Variants in SLC47A1 observed in about 807,000 individuals in gnomAD.
SLC47A1 encodes the protein solute carrier family 47 member 1, also known as multidrug and toxin extrusion protein 1.
In SLC47A1, 58 loss-of-function variants were observed where a neutral mutation model predicts 65.8. The observed-to-expected ratio is 0.88, with a 90% confidence interval of 0.71 to 1.10. SLC47A1 has a LOEUF of 1.10. SLC47A1 is among the 50% of genes least tolerant of loss of function. The pLI, the probability that SLC47A1 is intolerant of heterozygous loss-of-function variation, is 0.00. For synonymous variants in SLC47A1, 285 were observed against 295.0 expected, an observed-to-expected ratio of 0.97 and a Z score of 0.35; for missense variants, 706 against 719.2, an observed-to-expected ratio of 0.98 and a Z score of 0.21.
Position 19,575,373 on chromosome 17 carries a change from CT to C in SLC47A1, c.1487-1950del, listed in dbSNP as rs541905023. Among the ~76,000 whole-genome samples the C allele has an allele frequency of 2.2e-4, 32 of 148,428 alleles. No individual in the cohort carries two copies. The East Asian group carries it at 5.4e-3, about 25-fold the overall frequency. On this transcript the variant is annotated intron_variant, in intron 16 of 16. Transcript: ENST00000270570. The stretch of plus-strand genomic sequence containing the variant: ...ATGCCTTCATTTTTCTCTTCGGAAG[CT>C]TTTAGGACATTTTCTTATTATTATT...
chr17:19,557,896 CCAA>C, intron 10 of SLC47A1: 6 of 74,998 alleles, frequency 8.0e-5, no homozygotes, highest in East Asian at 7.6e-4. Flanking sequence ...TACTTTCCCT[CCAA>C]AAAAAAAAAA....
intron 5 of SLC47A1, among the ~76,000 whole-genome samples, chr17:19,550,127 G>A (rs892812972): frequency 6.6e-6 from 1 of 152,100 alleles, no homozygotes; most frequent in African/African-American, 2.4e-5. Context: ...TTGTTTGTTT[G>A]TTTGGTGTTT....
chr17:19,578,771 G>A lies in SLC47A1; in HGVS notation c.*1218G>A, dbSNP rs906473100. 2.0e-5 allele frequency: 3 copies of A among 152,168 alleles called. No homozygotes were observed. The highest frequency in any genetic ancestry group is 4.4e-5 in the Non-Finnish European group (3 of 68,038). 9.4% of individuals were successfully genotyped at this position (152,168 alleles called of 1,614,324 possible). On this transcript the variant is annotated 3_prime_UTR_variant, in exon 17 of 17. Coordinates refer to ENST00000270570, the MANE Select transcript of SLC47A1 (RefSeq NM_018242.3). ...GGTGAAACTGCGTGCTGTAAGCTGGGACCAGCTTTGTCCATAACTGCTGAG... is the reference window on the plus strand; with the variant it reads ...GGTGAAACTGCGTGCTGTAAGCTGGAACCAGCTTTGTCCATAACTGCTGAG...
intron 1 of SLC47A1, among the ~76,000 whole-genome samples, chr17:19,537,216 G>A (rs1053536425): frequency 6.6e-6 from 1 of 152,272 alleles, no homozygotes; most frequent in Non-Finnish European, 1.5e-5. Flanking sequence ...TGTGTGGGAA[G>A]GAGCTGGCGG....
intron 1 of SLC47A1, among the ~76,000 whole-genome samples, chr17:19,542,033 G>C (rs1340613484): frequency 6.6e-6 from 1 of 152,172 alleles, no homozygotes; most frequent in Non-Finnish European, 1.5e-5. Flanking sequence ...GCTGAGGCAG[G>C]AGAATTGCTT....
chr17:19,572,982 C>T, intron 16 of SLC47A1, 121 bp downstream of exon 16: 2 of 797,284 alleles, frequency 2.5e-6, no homozygotes, highest in South Asian at 1.6e-5. Flanking sequence ...AATAATGTTT[C>T]AGAAACACAT....
chr17:19,577,358 G>A lies in SLC47A1; in HGVS notation c.1518G>A (p.Thr506=), dbSNP rs758043603. Residue 506 remains threonine (T), a synonymous_variant, in exon 17 of 17, where the codon ACG becomes ACA. Coordinates refer to ENST00000270570, the MANE Select transcript of SLC47A1 (RefSeq NM_018242.3). ...CTGAAAACCTTGAAGGAATTTTAAC[G>A]AACGATGTTGGAAAGACAGGCGAGC... The part of the protein sequence containing the change: ...GCPENLEGIL[T]NDVGKTGEPQ... 5.0e-6 allele frequency: 8 copies of A among 1,613,980 alleles called. No homozygotes were observed. The highest frequency in any genetic ancestry group is 3.3e-5 in the Admixed American group (2 of 60,006).
At chr17:19,565,644 G>A (rs1258102098) in intron 12 of SLC47A1, among the ~76,000 whole-genome samples, 2 of 136,690 alleles carry the variant, frequency 1.5e-5, no homozygotes, top group Non-Finnish European at 3.0e-5. Context: ...GCAGTGGCAT[G>A]ATCTCAGCTC....
chr17:19,562,671 A>G (rs950563904), intron 12 of SLC47A1, among the ~76,000 whole-genome samples: 9 of 152,140 alleles, frequency 5.9e-5, no homozygotes, highest in African/African-American at 2.2e-4. Context: ...CTTTATGAGG[A>G]CCAGGATAAA....
In SLC47A1 at chr17:19,577,428, C is replaced by A; in HGVS notation, c.1588C>A (p.His530Asn). ...QMRQEEPLPE[H>N]PQDGAKLSRK... The stretch of plus-strand genomic sequence containing the variant: ...GCGCCAAGAAGAACCTTTGCCGGAA[C>A]ATCCACAGGACGGCGCTAAATTGTC... The change falls in exon 17 of 17, where the codon CAT becomes AAT. Residue 530 changes from histidine to asparagine, a missense_variant. Coordinates refer to ENST00000270570, the MANE Select transcript of SLC47A1 (RefSeq NM_018242.3). The A allele has an allele frequency of 6.2e-7, 1 of 1,614,234 alleles. No individual in the cohort carries two copies. The highest frequency in any genetic ancestry group is 8.5e-7 in the Non-Finnish European group (1 of 1,180,038).
chr17:19,537,568 G>A (rs949222433), intron 1 of SLC47A1, among the ~76,000 whole-genome samples: 13 of 152,182 alleles, frequency 8.5e-5, no homozygotes, highest in African/African-American at 3.1e-4. Context: ...CGGCCCCCAC[G>A]CCTCTACTCC....
At position 19,576,350 on chromosome 17, in the gene SLC47A1, CCT is replaced by C. The variant is rs1491583609; in HGVS notation, c.1487-976_1487-975del. Among the ~76,000 whole-genome samples the C allele has an allele frequency of 2.1e-5, 3 of 141,964 alleles. No homozygotes were observed. In the East Asian group the frequency reaches 6.0e-4, roughly 28 times the overall value. The allele number at this position is 141,964 out of a possible 152,430, so 93.1% of individuals were successfully genotyped here. ...AATAGCCTTGTATTCTTTCTTCCTT[CCT>C]TTTTTTTTTTTTTTTTTGACACTGG... On this transcript the variant is annotated intron_variant, in intron 16 of 16. Transcript: ENST00000270570.
chr17:19,567,322 G>C, intron 14 of SLC47A1, 94 bp downstream of exon 14: 1 of 1,558,218 alleles, frequency 6.4e-7, no homozygotes, highest in Non-Finnish European at 8.8e-7. Context: ...GCTCACCTCT[G>C]AAACTCGGGA....
chr17:19,537,305 C>A (rs1006752543), intron 1 of SLC47A1, among the ~76,000 whole-genome samples: 5 of 152,146 alleles, frequency 3.3e-5, no homozygotes. Flanking sequence ...CTGGAGAGAA[C>A]CGCTTTACCC....
At chr17:19,540,882 A>G (rs539846309) in intron 1 of SLC47A1, among the ~76,000 whole-genome samples, 1 of 149,030 alleles carries the variant, frequency 6.7e-6, no homozygotes, top group East Asian at 2.0e-4. Flanking sequence ...ACACACCCCT[A>G]GGGTTAGGAA....
intron 7 of SLC47A1, 35 bp from the exon 8 acceptor site, chr17:19,555,558 A>C: frequency 1.9e-6 from 3 of 1,587,480 alleles, no homozygotes; most frequent in South Asian, 1.1e-5. Context: ...AGGCGCAGGA[A>C]GGTACCTCCC....
In SLC47A1 at chr17:19,566,862, A is replaced by C. The variant is rs758454691; in HGVS notation, c.1176+3A>C. On this transcript the variant is annotated splice_donor_region_variant and intron_variant, in intron 13 of 16. Transcript: ENST00000270570. ...CCCACCTCTTTGAAGCTCTTGCTGT[A>C]AGTATTATGTAGTAGTCCCCTAAGC... 1 of 1,614,066 alleles carries C rather than the reference A, an allele frequency of 6.2e-7. No homozygotes were observed. The highest frequency in any genetic ancestry group is 8.5e-7 in the Non-Finnish European group (1 of 1,179,966).
chr17:19,566,362 C>T (rs2152316557), intron 12 of SLC47A1, among the ~76,000 whole-genome samples: 1 of 152,284 alleles, frequency 6.6e-6, no homozygotes, highest in South Asian at 2.1e-4. Flanking sequence ...GACCCAGCAA[C>T]AGGTGAACTG....
chr17:19,539,859 A>G (rs916733580), intron 1 of SLC47A1, among the ~76,000 whole-genome samples: 12 of 152,092 alleles, frequency 7.9e-5, no homozygotes, highest in Non-Finnish European at 1.5e-4. Flanking sequence ...TCCACAGTCT[A>G]TGGCCAAGCG....
Sources: gnomAD v4.1 joint callset for allele counts (sites outside exome capture counted in the v4.1 genomes callset) on GRCh38, gnomAD v4.1.1 for gene constraint, MANE v1.5 for transcripts, NCBI Gene and HGNC (gene_info 2026-07-23, HGNC 2026-07-21) for gene names.